The following ROBO1 variants were observed in gnomAD, a reference collection of about 807,000 sequenced individuals.
The protein encoded by ROBO1 is roundabout guidance receptor 1.
In ROBO1, 149 loss-of-function variants were observed where a neutral mutation model predicts 195.9. That is an observed-to-expected ratio of 0.76 (90% confidence interval 0.67 to 0.87). The LOEUF (loss-of-function observed/expected upper bound fraction) is 0.87, where lower values mean the gene tolerates loss of function less well. Ranked by LOEUF, ROBO1 falls within the 40% of genes least tolerant of loss-of-function variation. The pLI is 0.00. For missense variants in ROBO1, 1,933 were observed against 2,068.3 expected, an observed-to-expected ratio of 0.93 and a Z score of 1.27; for synonymous variants, 816 against 733.2, an observed-to-expected ratio of 1.11 and a Z score of -1.82.
chr3:79,121,175 C>T (rs1312038049), intron 3 of ROBO1, among the ~76,000 whole-genome samples: 2 of 152,032 alleles, frequency 1.3e-5, no homozygotes, highest in Non-Finnish European at 2.9e-5. Context: ...CAGAAAATGG[C>T]CTTGCATGCG....
At chr3:79,631,643 A>G (rs1945345090) in intron 1 of ROBO1, among the ~76,000 whole-genome samples, 1 of 152,108 alleles carries the variant, frequency 6.6e-6, no homozygotes. Flanking sequence ...GTGGTACTCA[A>G]TTACTCTAAA....
intron 2 of ROBO1, among the ~76,000 whole-genome samples, chr3:79,380,976 G>A (rs1427110440): frequency 5.9e-5 from 9 of 152,144 alleles, no homozygotes; most frequent in African/African-American, 2.2e-4. Flanking sequence ...CCCTCCATTT[G>A]GTTGCAGACA....
chr3:78,932,052 T>C (rs190996036), intron 4 of ROBO1, among the ~76,000 whole-genome samples: 117 of 152,332 alleles, frequency 7.7e-4, no homozygotes, highest in Non-Finnish European at 3.1e-4. Flanking sequence ...AAATTAATTA[T>C]ACTAAGGTTT....
chr3:79,062,397 G>A (rs2078935281), intron 3 of ROBO1, among the ~76,000 whole-genome samples: 1 of 152,110 alleles, frequency 6.6e-6, no homozygotes, highest in Non-Finnish European at 1.5e-5. Flanking sequence ...TACACCTTTG[G>A]TGGGAGTGTA....
At chr3:78,905,756 A>G (rs576677020) in intron 4 of ROBO1, among the ~76,000 whole-genome samples, 2 of 152,306 alleles carry the variant, frequency 1.3e-5, no homozygotes, top group African/African-American at 4.8e-5. Context: ...GCTATATTTC[A>G]TACTTAAATG....
intron 1 of ROBO1, among the ~76,000 whole-genome samples, chr3:79,633,349 A>AT (rs1453289466): frequency 1.7e-5 from 1 of 59,014 alleles, no homozygotes; most frequent in East Asian, 5.4e-4. Context: ...AATTTTTTGC[A>AT]TTTCTTTTTT....
chr3:78,701,236 T>C (rs980746206), intron 8 of ROBO1, among the ~76,000 whole-genome samples: 1 of 152,244 alleles, frequency 6.6e-6, no homozygotes, highest in Non-Finnish European at 1.5e-5. Flanking sequence ...ATACAACATA[T>C]GTATTGATAC....
At chr3:78,648,416 C>T (rs903386911) in intron 19 of ROBO1, among the ~76,000 whole-genome samples, 2 of 152,004 alleles carry the variant, frequency 1.3e-5, no homozygotes, top group Non-Finnish European at 2.9e-5. Flanking sequence ...TTTAATACCA[C>T]AGTAGAAGCT....
intron 4 of ROBO1, among the ~76,000 whole-genome samples, chr3:78,777,333 T>A (rs1392106756): frequency 1.3e-5 from 2 of 152,184 alleles, no homozygotes; most frequent in Non-Finnish European, 2.9e-5. Context: ...GTGATGTCAA[T>A]TTAAAGACGA....
chr3:78,623,302 G>T (rs1315449541), intron 26 of ROBO1, among the ~76,000 whole-genome samples: 4 of 152,172 alleles, frequency 2.6e-5, no homozygotes, highest in Admixed American at 6.5e-5. Context: ...GGATCTAAAG[G>T]ATACATAGGT....
At chr3:79,477,056 T>C (rs963383414) in intron 2 of ROBO1, among the ~76,000 whole-genome samples, 2 of 152,118 alleles carry the variant, frequency 1.3e-5, no homozygotes, top group African/African-American at 4.8e-5. Flanking sequence ...TTCCATGATA[T>C]TTTGAAACAT....
chr3:79,728,790 T>C (rs1703030324), intron 1 of ROBO1, among the ~76,000 whole-genome samples: 1 of 152,260 alleles, frequency 6.6e-6, no homozygotes, highest in South Asian at 2.1e-4. Flanking sequence ...TGTTAAAATT[T>C]CTTTATTAAG....
At chr3:79,680,056 C>T (rs548086122) in intron 1 of ROBO1, among the ~76,000 whole-genome samples, 6 of 152,112 alleles carry the variant, frequency 3.9e-5, no homozygotes, top group South Asian at 2.1e-4. Context: ...GCATATGCTA[C>T]GTGCTCATCA....
chr3:79,425,307 CA>C (rs1279229419), intron 2 of ROBO1, among the ~76,000 whole-genome samples: 4 of 152,104 alleles, frequency 2.6e-5, no homozygotes, highest in Non-Finnish European at 4.4e-5. Flanking sequence ...CAATTTATTT[CA>C]ATTGGTCTAT....
At chr3:78,850,569 C>T (rs2033991748) in intron 4 of ROBO1, among the ~76,000 whole-genome samples, 1 of 151,952 alleles carries the variant, frequency 6.6e-6, no homozygotes, top group Non-Finnish European at 1.5e-5. Flanking sequence ...CAGATTATAA[C>T]AAAAATATCT....
In ROBO1 at chr3:78,629,952, C is replaced by T. The variant is rs112877230; in HGVS notation, c.3626+1209G>A. Among the ~76,000 whole-genome samples, 724 of 152,160 alleles carry T rather than the reference C, an allele frequency of 4.8e-3. 6 individuals are homozygous for T. Among genetic ancestry groups the T allele is most frequent in the African/African-American group, 0.016 (682 of 41,524 alleles). On this transcript the variant is annotated intron_variant, in intron 25 of 30. Coordinates refer to ENST00000464233, the MANE Select transcript of ROBO1 (RefSeq NM_002941.4). ...ATGGTTTATTTAGTGCCATGTTTGTCGAAATGTTTTAAGCTTTATATTAGT... is the reference window on the plus strand; with the variant it reads ...ATGGTTTATTTAGTGCCATGTTTGTTGAAATGTTTTAAGCTTTATATTAGT...
At chr3:78,626,616 G>C (rs548442573) in intron 26 of ROBO1, among the ~76,000 whole-genome samples, 4 of 152,238 alleles carry the variant, frequency 2.6e-5, no homozygotes, top group African/African-American at 9.6e-5. Context: ...TCAACAATGA[G>C]AGAAGAGCTA....
At chr3:79,511,305 T>A (rs1419687284) in intron 2 of ROBO1, among the ~76,000 whole-genome samples, 1 of 152,136 alleles carries the variant, frequency 6.6e-6, no homozygotes, top group Non-Finnish European at 1.5e-5. Flanking sequence ...TGAAAATAAG[T>A]TTAAATACTA....
chr3:79,135,635 ATCT>A (rs1559685003), intron 2 of ROBO1, among the ~76,000 whole-genome samples: 1 of 151,826 alleles, frequency 6.6e-6, no homozygotes, highest in African/African-American at 2.4e-5. Flanking sequence ...CAATCATTCA[ATCT>A]TCTTTTTTTT....
Sources: allele counts gnomAD v4.1 joint callset (sites outside exome capture counted in the v4.1 genomes callset), GRCh38; gene constraint gnomAD v4.1.1; transcripts MANE v1.5; gene names NCBI Gene and HGNC (gene_info 2026-07-23, HGNC 2026-07-21).